Variants in MAP6 observed in about 807,000 individuals in gnomAD.
MAP6 encodes microtubule associated protein 6, also known as microtubule-associated protein 6.
A neutral mutation model predicts 42.4 loss-of-function variants in MAP6; 26 were observed. The observed-to-expected ratio is 0.61, with a 90% CI of 0.45 to 0.85. MAP6 has a LOEUF of 0.85. MAP6 is among the 40% of genes least tolerant of loss of function. The pLI, the probability that MAP6 is intolerant of heterozygous loss-of-function variation, is 0.00. For missense variants in MAP6, 966 were observed against 1,099.0 expected (o/e 0.88, Z 1.71); for synonymous variants, 418 against 443.8 (o/e 0.94, Z 0.73).
At chr11:75,592,295 C>T (rs1942494015) in intron 3 of MAP6, among the ~76,000 whole-genome samples, 2 of 152,272 alleles carry the variant, frequency 1.3e-5, no homozygotes, top group Non-Finnish European at 2.9e-5. Flanking sequence ...CAGGCTCCCC[C>T]TGCTAGACAG....
intron 1 of MAP6, among the ~76,000 whole-genome samples, chr11:75,622,053 C>G (rs944779651): frequency 2.0e-5 from 3 of 151,400 alleles, no homozygotes; most frequent in Admixed American, 1.3e-4. Flanking sequence ...ACAACAACAA[C>G]AAAAAAACCC....
At chr11:75,633,997 A>G (rs190469424) in intron 1 of MAP6, among the ~76,000 whole-genome samples, 2 of 152,340 alleles carry the variant, frequency 1.3e-5, no homozygotes, top group Admixed American at 6.5e-5. Flanking sequence ...CAGAACAGAC[A>G]CTAGCTGGGC....
chr11:75,636,830 C>T (rs544063260), intron 1 of MAP6, among the ~76,000 whole-genome samples: 1 of 152,330 alleles, frequency 6.6e-6, no homozygotes, highest in East Asian at 1.9e-4. Flanking sequence ...AGCCTTTCAT[C>T]CATATTCTCC....
In MAP6 at chr11:75,667,490, C is replaced by T; in HGVS notation, c.880G>A (p.Ala294Thr). 6.6e-7 allele frequency: 1 copy of T among 1,510,454 alleles called. No individual in the cohort carries two copies. Among genetic ancestry groups the T allele is most frequent in the Non-Finnish European group, 8.8e-7 (1 of 1,138,312 alleles). The allele number at this position is 1,510,454 out of a possible 1,614,324, so 93.6% of individuals were successfully genotyped here. A position where few individuals can be genotyped will look rare whatever the true frequency, so the allele number is the denominator to read the frequency against. The change falls in exon 1 of 4, where the codon GCG becomes ACG. Residue 294 changes from alanine to threonine, a missense_variant. Ala to Thr is a moderately conservative substitution (Grantham distance 58, BLOSUM62 0). Coordinates refer to ENST00000304771, the MANE Select transcript of MAP6 (RefSeq NM_033063.2). The surrounding 1 kb of genome is among the most constrained non-coding windows in gnomAD (Gnocchi z 5.6). Reference protein sequence around the residue: ...ALNRQIREEVASAVSSSYRNE... With the variant: ...ALNRQIREEVTSAVSSSYRNE... ...CTGTAGGAGCTGCTCACTGCACTCG[C>T]CACCTCCTCGCGGATTTGCCGGTTG...
intron 3 of MAP6, chr11:75,605,243 C>G: frequency 5.1e-6 from 5 of 985,664 alleles, no homozygotes; most frequent in Non-Finnish European, 6.0e-6. Flanking sequence ...ATGAAAAGAC[C>G]ACTTAACAGA....
At chr11:75,626,392 C>A (rs1397752194) in intron 1 of MAP6, among the ~76,000 whole-genome samples, 1 of 152,084 alleles carries the variant, frequency 6.6e-6, no homozygotes, top group Non-Finnish European at 1.5e-5. Context: ...CAGGCTTGAC[C>A]CTGGAAGCAG....
At chr11:75,660,067 CAT>C (rs1351728261) in intron 1 of MAP6, among the ~76,000 whole-genome samples, 1 of 152,210 alleles carries the variant, frequency 6.6e-6, no homozygotes, top group Non-Finnish European at 1.5e-5. Context: ...CTGCTGAGTT[CAT>C]ATGAGGTTTC....
At position 75,642,743 on chromosome 11, in the gene MAP6, T is replaced by G. The variant is rs1281218428; in HGVS notation, c.905+24722A>C. The G allele has an allele frequency of 1.3e-5, 4 of 303,982 alleles. No homozygotes were observed. The East Asian group carries it at 2.9e-4, about 22-fold the overall frequency. The allele number at this position is 303,982 out of a possible 1,614,324, so 18.8% of individuals were successfully genotyped here. Reference sequence around the variant, plus strand: ...ACCCTACCAGCCACAACAGAAAGTATAGCTGGAATGCCAAGGCTAAAAGCT... The same window carrying G: ...ACCCTACCAGCCACAACAGAAAGTAGAGCTGGAATGCCAAGGCTAAAAGCT... On this transcript the variant is annotated intron_variant, in intron 1 of 3. Coordinates refer to ENST00000304771, the MANE Select transcript of MAP6 (RefSeq NM_033063.2).
chr11:75,631,283 T>C (rs762591725), intron 1 of MAP6, among the ~76,000 whole-genome samples: 1 of 152,356 alleles, frequency 6.6e-6, no homozygotes, highest in East Asian at 1.9e-4. Context: ...AAAGGGCTTA[T>C]GTTTGGAATC....
chr11:75,656,260 T>C (rs1590808134), intron 1 of MAP6, among the ~76,000 whole-genome samples: 1 of 152,194 alleles, frequency 6.6e-6, no homozygotes, highest in Non-Finnish European at 1.5e-5. Flanking sequence ...GTTTCAGGGA[T>C]GCACTTGCAG....
Position 75,623,096 on chromosome 11 carries a change from T to C in MAP6, c.906-14774A>G, listed in dbSNP as rs150277710. 3.2e-3 allele frequency among the ~76,000 whole-genome samples: 487 copies of C among 152,300 alleles called. 2 individuals are homozygous for C. The highest frequency in any genetic ancestry group is 0.011 in the African/African-American group (473 of 41,552). On this transcript the variant is annotated intron_variant, in intron 1 of 3. Coordinates refer to ENST00000304771, the MANE Select transcript of MAP6 (RefSeq NM_033063.2). ...TTTTTGACAAAAAGATGGAAATAGC[T>C]TAAATGTCCATCAACTAATGAATAG... is the stretch of plus-strand genomic sequence containing the variant.
chr11:75,608,605 A>T (rs1165250406), intron 1 of MAP6, among the ~76,000 whole-genome samples: 1 of 152,234 alleles, frequency 6.6e-6, no homozygotes, highest in Non-Finnish European at 1.5e-5. Flanking sequence ...TCTAATCTTC[A>T]GGGCTCTTTT....
At position 75,604,126 on chromosome 11, in the gene MAP6, T is replaced by C. The variant is rs73488406; in HGVS notation, c.1316+1682A>G. On this transcript the variant is annotated intron_variant, in intron 3 of 3. Transcript: ENST00000304771. ...TCATACTTCTCCTTCCTCACAGTTT[T>C]AAACCCTGAGATAGAAAGGAAGGTC... The C allele has an allele frequency of 3.0e-3, 2,972 of 985,878 alleles. 85 individuals are homozygous for C. In the African/African-American group the frequency reaches 0.048, roughly 16 times the overall value. The allele number at this position is 985,878 out of a possible 1,614,324, so 61.1% of individuals were successfully genotyped here.
intron 1 of MAP6, among the ~76,000 whole-genome samples, chr11:75,629,115 G>T (rs528304474): frequency 6.6e-6 from 1 of 152,162 alleles, no homozygotes; most frequent in Non-Finnish European, 1.5e-5. Context: ...TTGAGACAAA[G>T]TCTTGCTCTT....
intron 3 of MAP6, among the ~76,000 whole-genome samples, chr11:75,592,543 C>A (rs186502687): frequency 6.6e-6 from 1 of 152,244 alleles, no homozygotes; most frequent in East Asian, 1.9e-4. Context: ...ACATTTATCT[C>A]TTGAATATTC....
At chr11:75,656,539 T>C (rs1358101846) in intron 1 of MAP6, among the ~76,000 whole-genome samples, 1 of 152,170 alleles carries the variant, frequency 6.6e-6, no homozygotes, top group Non-Finnish European at 1.5e-5. Flanking sequence ...TGCTCTCTTT[T>C]GGACAGGAGA....
intron 3 of MAP6, among the ~76,000 whole-genome samples, chr11:75,592,260 T>C (rs778236102): frequency 3.3e-5 from 5 of 152,188 alleles, no homozygotes; most frequent in African/African-American, 4.8e-5. Flanking sequence ...CTCTCTCCGC[T>C]TTCTCACATA....
chr11:75,616,164 G>C (rs1283162717), intron 1 of MAP6, among the ~76,000 whole-genome samples: 1 of 152,196 alleles, frequency 6.6e-6, no homozygotes, highest in Non-Finnish European at 1.5e-5. Flanking sequence ...CAGAGACTTA[G>C]GATAATGGAT....
intron 1 of MAP6, among the ~76,000 whole-genome samples, chr11:75,615,705 C>T (rs531021484): frequency 2.6e-5 from 4 of 152,300 alleles, no homozygotes; most frequent in Admixed American, 6.5e-5. Context: ...TCTTTCTGAG[C>T]GCATTTCAAG....
Sources: allele counts gnomAD v4.1 joint callset (sites outside exome capture counted in the v4.1 genomes callset), GRCh38; gene constraint gnomAD v4.1.1; non-coding constraint Gnocchi (gnomAD v3.1); transcripts MANE v1.5; gene names NCBI Gene and HGNC (gene_info 2026-07-23, HGNC 2026-07-21).